The following NFATC3 variants were observed in gnomAD, a reference collection of about 807,000 sequenced individuals.
NFATC3 encodes the protein nuclear factor of activated T-cells, cytoplasmic 3.
Under a neutral mutation model 98.6 loss-of-function variants are expected in NFATC3, and 46 were observed. The observed-to-expected ratio is 0.47, with a 90% CI of 0.37 to 0.60. The LOEUF (loss-of-function observed/expected upper bound fraction) is 0.60. NFATC3 is among the 20% of genes least tolerant of loss of function. The pLI is 0.00. For synonymous variants in NFATC3, 512 were observed against 472.2 expected, an observed-to-expected ratio of 1.08 and a Z score of -1.09; for missense variants, 1,256 against 1,295.5, an observed-to-expected ratio of 0.97 and a Z score of 0.47.
intron 9 of NFATC3, among the ~76,000 whole-genome samples, chr16:68,220,708 C>T (rs1420371361): frequency 6.7e-6 from 1 of 148,362 alleles, no homozygotes; most frequent in Non-Finnish European, 1.5e-5. Context: ...GAGATCGACA[C>T]CATCCTGGCT....
At chr16:68,107,837 T>A (rs2035741178) in intron 1 of NFATC3, among the ~76,000 whole-genome samples, 2 of 151,972 alleles carry the variant, frequency 1.3e-5, no homozygotes, top group African/African-American at 4.8e-5. Flanking sequence ...GAGCTTTTTT[T>A]ATGTTTGTTG....
In NFATC3 at chr16:68,211,249, G is replaced by A. The variant is rs927408786; in HGVS notation, c.3107-15101G>A. On this transcript the variant is annotated intron_variant, in intron 9 of 9. Transcript: ENST00000346183. Reference sequence around the variant, plus strand: ...TGTCGCCAGGCTGGAGTGCAGTGGCGCGATCTCAGCTCACTGCAACCTCCA... The same window carrying A: ...TGTCGCCAGGCTGGAGTGCAGTGGCACGATCTCAGCTCACTGCAACCTCCA... Among the ~76,000 whole-genome samples the A allele has an allele frequency of 2.8e-4, 43 of 151,712 alleles. 1 individual carries two copies. The highest frequency in any genetic ancestry group is 9.4e-4 in the African/African-American group (39 of 41,354).
intron 3 of NFATC3, among the ~76,000 whole-genome samples, chr16:68,157,615 G>A (rs905242599): frequency 7.2e-5 from 11 of 151,924 alleles, no homozygotes; most frequent in African/African-American, 2.7e-4. Context: ...AGTTTTGGTC[G>A]ATCTAGATAT....
At chr16:68,188,417 A>C (rs2040304486) in intron 8 of NFATC3, among the ~76,000 whole-genome samples, 1 of 152,106 alleles carries the variant, frequency 6.6e-6, no homozygotes, top group Non-Finnish European at 1.5e-5. Flanking sequence ...AGGAAGTGCA[A>C]GGCTCCCGCC....
At position 68,183,328 on chromosome 16, in the gene NFATC3, G is replaced by A. The variant is rs758515698; in HGVS notation, c.2060G>A (p.Arg687Lys). The A allele has an allele frequency of 2.5e-6, 4 of 1,613,392 alleles. No homozygotes were observed. The South Asian group carries it at 4.4e-5, about 18-fold the overall frequency. Residue 687 changes from arginine to lysine, a missense_variant, in exon 8 of 10, where the codon AGG (arginine) becomes AAG (lysine). Arg to Lys is a conservative substitution (Grantham distance 26). Around this residue, in one of 3 missense-constraint regions of NFATC3, gnomAD observed 636 missense variants for 617.3 expected, o/e 1.03. Coordinates refer to ENST00000346183, the MANE Select transcript of NFATC3 (RefSeq NM_173165.3). ...CACTTTTATCTTTGCAATGGCAAGA[G>A]GAAAAAAAGCCAGTCTCAACGTTTT... The part of the protein sequence containing the change: ...QVHFYLCNGK[R>K]KKSQSQRFTY...
chr16:68,210,251 T>C (rs1598605237), intron 9 of NFATC3, among the ~76,000 whole-genome samples: 1 of 147,048 alleles, frequency 6.8e-6, no homozygotes, highest in South Asian at 2.1e-4. Context: ...TGAGCCAAGA[T>C]CATGCCACTG....
chr16:68,137,547 C>T (rs1297754907), intron 3 of NFATC3, among the ~76,000 whole-genome samples: 1 of 151,610 alleles, frequency 6.6e-6, no homozygotes, highest in Non-Finnish European at 1.5e-5. Context: ...TGTCGTTTCT[C>T]TTTCTGTTTT....
At chr16:68,171,933 C>T (rs943520097) in intron 5 of NFATC3, among the ~76,000 whole-genome samples, 1 of 151,972 alleles carries the variant, frequency 6.6e-6, no homozygotes, top group Non-Finnish European at 1.5e-5. Context: ...GGATTACAGG[C>T]GTGCACCACC....
At position 68,139,679 on chromosome 16, in the gene NFATC3, C is replaced by T. The variant is rs1006273873; in HGVS notation, c.1401+13069C>T. ...AAAATACCACCTACCTTGTAGCCAA[C>T]TGACAAATTAACTTTTTCTTTTCTT... On this transcript the variant is annotated intron_variant, in intron 3 of 9. Coordinates refer to ENST00000346183, the MANE Select transcript of NFATC3 (RefSeq NM_173165.3). Among the ~76,000 whole-genome samples, 11 of 152,306 alleles carry T rather than the reference C, an allele frequency of 7.2e-5. 1 individual carries two copies. Among genetic ancestry groups the T allele is most frequent in the South Asian group, 6.2e-4 (3 of 4,826 alleles).
In NFATC3 at chr16:68,122,804, A is replaced by C; in HGVS notation, c.921A>C (p.Glu307Asp). Reference sequence around the variant, plus strand: ...ACTCCCCCAGGGGAAGTGTGACAGAAGATACGTGGCTCAATGCTTCTGTCC... The same window carrying C: ...ACTCCCCCAGGGGAAGTGTGACAGACGATACGTGGCTCAATGCTTCTGTCC... ...PGHSPRGSVT[E>D]DTWLNASVHG... Residue 307 changes from glutamate to aspartate, a missense_variant, in exon 2 of 10, where the codon GAA becomes GAC. Transcript: ENST00000346183. 1 of 1,614,228 alleles carries C rather than the reference A, an allele frequency of 6.2e-7. No individual in the cohort carries two copies. The highest frequency in any genetic ancestry group is 8.5e-7 in the Non-Finnish European group (1 of 1,180,042).
chr16:68,155,827 C>A (rs117806247), intron 3 of NFATC3, among the ~76,000 whole-genome samples: 2,001 of 152,032 alleles, frequency 0.013, 22 homozygotes, highest in Non-Finnish European at 0.022. Flanking sequence ...CACACACACA[C>A]AAGAAAATGT....
chr16:68,098,535 C>T (rs2035166480), intron 1 of NFATC3, among the ~76,000 whole-genome samples: 1 of 151,952 alleles, frequency 6.6e-6, no homozygotes, highest in Non-Finnish European at 1.5e-5. Context: ...CTCCTGAGCT[C>T]GTGATCCACC....
intron 9 of NFATC3, chr16:68,221,112 A>T: frequency 6.9e-7 from 1 of 1,448,846 alleles, no homozygotes; most frequent in Non-Finnish European, 9.5e-7. Context: ...TTGAAAAATT[A>T]AATTGCAAGC....
At chr16:68,141,338 G>A (rs1281778550) in intron 3 of NFATC3, among the ~76,000 whole-genome samples, 4 of 152,116 alleles carry the variant, frequency 2.6e-5, no homozygotes, top group Admixed American at 6.6e-5. Context: ...TGGGATGGTC[G>A]GATTGAATGG....
intron 4 of NFATC3, among the ~76,000 whole-genome samples, chr16:68,164,356 G>C (rs561249290): frequency 6.6e-6 from 1 of 152,182 alleles, no homozygotes; most frequent in East Asian, 1.9e-4. Flanking sequence ...GTCCAGCTTC[G>C]GCTCGGTATC....
intron 1 of NFATC3, among the ~76,000 whole-genome samples, chr16:68,104,626 A>T (rs2035544179): frequency 6.8e-6 from 1 of 147,012 alleles, no homozygotes; most frequent in African/African-American, 2.5e-5. Context: ...CACCACTATG[A>T]TGTTAGCTGT....
chr16:68,160,907 C>T (rs1454421427), intron 4 of NFATC3, among the ~76,000 whole-genome samples: 1 of 152,046 alleles, frequency 6.6e-6, no homozygotes, highest in African/African-American at 2.4e-5. Context: ...CTGGTCTCGA[C>T]CTCCTGGCCT....
rs1314036017 is a variant in NFATC3 at position 68,192,245 on chromosome 16, ATATATATATGTATGTG to A, written c.3106+480_3106+495del. ...AAAAAAAAAAAATATATATATATAT[ATATATATATGTATGTG>A]TATATATATATGTATGTGTATATAT... On this transcript the variant is annotated intron_variant, in intron 9 of 9. Transcript: ENST00000346183. 8.8e-5 allele frequency: 10 copies of A among 113,998 alleles called. No individual in the cohort carries two copies. The East Asian group carries it at 3.8e-3, about 43-fold the overall frequency. The allele number at this position is 113,998 out of a possible 1,614,324, so 7.1% of individuals were successfully genotyped here. A position where few individuals can be genotyped will look rare whatever the true frequency, so the allele number is the denominator to read the frequency against.
At chr16:68,143,709 G>C (rs1258144277) in intron 3 of NFATC3, among the ~76,000 whole-genome samples, 1 of 152,010 alleles carries the variant, frequency 6.6e-6, no homozygotes, top group Non-Finnish European at 1.5e-5. Flanking sequence ...AAATTAGCTG[G>C]GCATGGTGGT....
Sources: allele counts gnomAD v4.1 joint callset (sites outside exome capture counted in the v4.1 genomes callset), GRCh38; gene constraint gnomAD v4.1.1; regional missense constraint gnomAD v4.1.1; transcripts MANE v1.5; gene names NCBI Gene and HGNC (gene_info 2026-07-23, HGNC 2026-07-21).